NTAN1: variants seen among roughly 807,000 people sequenced by gnomAD.
NTAN1 encodes protein N-terminal asparagine amidohydrolase.
In NTAN1, 32 loss-of-function variants were observed where a neutral mutation model predicts 41.9. That is an observed-to-expected ratio of 0.76 (90% CI 0.58 to 1.03). NTAN1 has a LOEUF of 1.03. Among genes scored for constraint, NTAN1 ranks in the 50% least tolerant of loss-of-function variants. The pLI, the probability that NTAN1 is intolerant of heterozygous loss-of-function variation, is 0.00. For missense variants in NTAN1, 377 were observed against 377.5 expected (o/e 1.00, Z 0.01); for synonymous variants, 140 against 139.5 (o/e 1.00, Z -0.03).
chr16:15,048,177 A>C (rs1473059564), intron 1 of NTAN1, 78 bp from the exon 2 acceptor site: 2 of 1,015,326 alleles, frequency 2.0e-6, no homozygotes, highest in Non-Finnish European at 3.0e-6. Context: ...AGAGAGCCAA[A>C]GTGGGCTCTG....
intron 1 of NTAN1, among the ~76,000 whole-genome samples, chr16:15,048,490 G>T (rs1597801050): frequency 6.6e-6 from 1 of 151,892 alleles, no homozygotes; most frequent in Non-Finnish European, 1.5e-5. Flanking sequence ...AAAGTGCTGG[G>T]ATTACAGGCA....
intron 1 of NTAN1, among the ~76,000 whole-genome samples, chr16:15,051,344 G>A (rs2044282598): frequency 6.6e-6 from 1 of 152,206 alleles, no homozygotes; most frequent in Non-Finnish European, 1.5e-5. Flanking sequence ...ACAGTAGACT[G>A]CTTTGCTCTA....
At chr16:15,047,080 A>C in intron 4 of NTAN1, 1 of 275,824 alleles carries the variant, frequency 3.6e-6, no homozygotes. Context: ...TACAAGGTGT[A>C]GGTGAGAGGA....
At chr16:15,047,378 G>A in intron 4 of NTAN1, 64 bp downstream of exon 4, 3 of 1,071,570 alleles carry the variant, frequency 2.8e-6, no homozygotes, top group Middle Eastern at 2.0e-4. Flanking sequence ...AGCTTCCACA[G>A]CCACGTCCTG....
In NTAN1 at chr16:15,056,031, G is replaced by T. The variant is rs1001284590; in HGVS notation, c.-60C>A. On this transcript the variant is annotated 5_prime_UTR_variant, in exon 1 of 10. Transcript: ENST00000287706. The stretch of plus-strand genomic sequence containing the variant: ...CGGCGGCCCCCCGCTTTGCAGCCCC[G>T]GGCCGCCCGCCGCCCCCGCCCCTCG... 6.0e-6 allele frequency: 5 copies of T among 837,110 alleles called. No individual in the cohort carries two copies. The highest frequency in any genetic ancestry group is 5.4e-5 in the African/African-American group (3 of 55,118). The allele number at this position is 837,110 out of a possible 1,614,324, so 51.9% of individuals were successfully genotyped here.
At chr16:15,041,179 T>C in intron 6 of NTAN1, 58 bp from the exon 7 acceptor site, 1 of 1,125,998 alleles carries the variant, frequency 8.9e-7, no homozygotes, top group Non-Finnish European at 1.4e-6. Flanking sequence ...TGATTATTTT[T>C]ACTTTGTATA....
intron 4 of NTAN1, among the ~76,000 whole-genome samples, chr16:15,046,214 T>C (rs1000573907): frequency 2.6e-5 from 4 of 152,240 alleles, no homozygotes; most frequent in Non-Finnish European, 5.9e-5. Context: ...AGGGAGAATT[T>C]AGAATCGACC....
chr16:15,054,722 TACTGAGCGCCAA>T (rs2044433129), intron 1 of NTAN1, among the ~76,000 whole-genome samples: 1 of 152,162 alleles, frequency 6.6e-6, no homozygotes, highest in Non-Finnish European at 1.5e-5. Flanking sequence ...AGCAAATCTT[TACTGAGCGCCAA>T]TTCTATGCCA....
chr16:15,044,911 A>G (rs185287687), intron 4 of NTAN1: 1 of 153,230 alleles, frequency 6.5e-6, no homozygotes, highest in Admixed American at 6.5e-5. Context: ...GCTTGAGCTC[A>G]GGAGTTTGCA....
intron 4 of NTAN1, among the ~76,000 whole-genome samples, chr16:15,046,929 C>T (rs186454448): frequency 9.9e-4 from 151 of 152,182 alleles, no homozygotes; most frequent in African/African-American, 3.6e-3. Flanking sequence ...CTAGCGGTCC[C>T]CACATCTTCC....
In NTAN1 at chr16:15,050,028, G is replaced by C. The variant is rs140520742; in HGVS notation, c.82-1929C>G. On this transcript the variant is annotated intron_variant, in intron 1 of 9. Coordinates refer to ENST00000287706, the MANE Select transcript of NTAN1 (RefSeq NM_173474.4). ...AAAAAGCAAACATGAGTGATTTCCT[G>C]TTGCTGTTGTCCTCTCTTCTCTCAA... Among the ~76,000 whole-genome samples the C allele has an allele frequency of 1.4e-3, 207 of 152,282 alleles. 1 individual carries two copies. The highest frequency in any genetic ancestry group is 4.6e-3 in the African/African-American group (190 of 41,554).
At chr16:15,044,206 G>C in intron 5 of NTAN1, 128 bp downstream of exon 5, 1 of 652,198 alleles carries the variant, frequency 1.5e-6, no homozygotes. Flanking sequence ...TGGGCAGTCT[G>C]TTTCTCTGTG....
chr16:15,038,385 A>C (rs1343751083), intron 9 of NTAN1, 175 bp from the exon 10 acceptor site: 1 of 618,902 alleles, frequency 1.6e-6, no homozygotes, highest in Non-Finnish European at 2.8e-6. Context: ...TTACCCACAC[A>C]CATTTCCATC....
intron 5 of NTAN1, among the ~76,000 whole-genome samples, chr16:15,041,976 A>G (rs2043836616): frequency 6.6e-6 from 1 of 152,094 alleles, no homozygotes. Flanking sequence ...GATTTATAAG[A>G]TTTTTACTTT....
In NTAN1 at chr16:15,038,699, C is replaced by T. The variant is rs189206538; in HGVS notation, c.640-12G>A. On this transcript the variant is annotated splice_polypyrimidine_tract_variant and intron_variant, in intron 8 of 9. Transcript: ENST00000287706. ...TAAATGCTAATCATCTAAAAAAGAA[C>T]GTGTCAAGGATAGAATTTCAGGAAT... The T allele has an allele frequency of 2.6e-5, 37 of 1,430,078 alleles. No individual in the cohort carries two copies. Among genetic ancestry groups the T allele is most frequent in the Admixed American group, 7.0e-5 (4 of 57,448 alleles). 88.6% of individuals were successfully genotyped at this position (1,430,078 alleles called of 1,614,324 possible).
intron 3 of NTAN1, 69 bp downstream of exon 3, chr16:15,047,786 C>T (rs760035333): frequency 2.5e-5 from 33 of 1,322,752 alleles, no homozygotes; most frequent in Middle Eastern, 4.1e-4. Context: ...AAACTCAACA[C>T]GAGAAATTCA....
At chr16:15,049,331 C>T (rs140126192) in intron 1 of NTAN1, among the ~76,000 whole-genome samples, 46 of 152,236 alleles carry the variant, frequency 3.0e-4, no homozygotes, top group Non-Finnish European at 5.9e-4. Context: ...ACCTGGCCTC[C>T]GCTTTTTTAC....
intron 8 of NTAN1, among the ~76,000 whole-genome samples, chr16:15,039,633 T>C (rs1034739751): frequency 2.5e-4 from 38 of 152,168 alleles, no homozygotes; most frequent in African/African-American, 8.7e-4. Context: ...GGGAGAAACC[T>C]CTCTCCTGCG....
intron 1 of NTAN1, 141 bp downstream of exon 1, chr16:15,055,750 G>A (rs1273934984): frequency 1.7e-5 from 7 of 420,554 alleles, no homozygotes; most frequent in East Asian, 3.7e-5. Flanking sequence ...CCCCTCAAGG[G>A]GAAGACGCGA....
Sources: allele counts gnomAD v4.1 joint callset (sites outside exome capture counted in the v4.1 genomes callset), GRCh38; gene constraint gnomAD v4.1.1; transcripts MANE v1.5; gene names NCBI Gene and HGNC (gene_info 2026-07-23, HGNC 2026-07-21).